EPHA6: variants seen among roughly 807,000 people sequenced by gnomAD.
EPHA6 encodes ephrin type-A receptor 6.
In EPHA6, 50 loss-of-function variants were observed where a neutral mutation model predicts 112.0. The ratio of observed to expected loss-of-function variants is 0.45; its 90% CI spans 0.36 to 0.56. EPHA6 has a LOEUF of 0.56. Ranked by LOEUF, EPHA6 falls within the 20% of genes least tolerant of loss-of-function variation. EPHA6 has a pLI of 0.00. For synonymous variants in EPHA6, 529 were observed against 490.7 expected (o/e 1.08, Z -1.03); for missense variants, 1,280 against 1,417.4 (o/e 0.90, Z 1.56).
At chr3:96,923,892 T>G (rs552575366) in intron 2 of EPHA6, among the ~76,000 whole-genome samples, 1 of 152,312 alleles carries the variant, frequency 6.6e-6, no homozygotes, top group East Asian at 1.9e-4. Flanking sequence ...AAGGAATCTT[T>G]CCCCATTGCT....
intron 4 of EPHA6, among the ~76,000 whole-genome samples, chr3:97,232,727 CAGGCA>C (rs752367160): frequency 3.9e-5 from 6 of 152,200 alleles, no homozygotes; most frequent in Non-Finnish European, 5.9e-5. Context: ...GAGGGCCAAG[CAGGCA>C]CCTTGACAGT....
intron 14 of EPHA6, among the ~76,000 whole-genome samples, chr3:97,684,907 G>C (rs368999547): frequency 6.6e-6 from 1 of 152,140 alleles, no homozygotes; most frequent in Non-Finnish European, 1.5e-5. Context: ...ATAATACAGC[G>C]TGTACAATTT....
At chr3:97,491,285 T>G (rs1228633160) in intron 10 of EPHA6, among the ~76,000 whole-genome samples, 2 of 152,138 alleles carry the variant, frequency 1.3e-5, no homozygotes, top group Non-Finnish European at 2.9e-5. Flanking sequence ...GGCTCTAAGG[T>G]GGTCCTAATT....
At chr3:97,248,395 G>A (rs565045076) in intron 5 of EPHA6, among the ~76,000 whole-genome samples, 3 of 152,118 alleles carry the variant, frequency 2.0e-5, no homozygotes, top group Admixed American at 6.6e-5. Flanking sequence ...ATAGGAAAAC[G>A]AAGGTGTGTA....
intron 7 of EPHA6, among the ~76,000 whole-genome samples, chr3:97,467,069 A>G (rs1186913115): frequency 6.6e-6 from 1 of 151,770 alleles, no homozygotes; most frequent in Non-Finnish European, 1.5e-5. Context: ...TCTAGCACCA[A>G]TGTTTCTGTA....
chr3:97,116,561 T>G (rs2047893645), intron 3 of EPHA6, among the ~76,000 whole-genome samples: 1 of 151,852 alleles, frequency 6.6e-6, no homozygotes, highest in Middle Eastern at 3.4e-3. Context: ...TTAAAAAATA[T>G]TACACATGTA....
At chr3:96,904,786 G>T (rs1266837207) in intron 2 of EPHA6, among the ~76,000 whole-genome samples, 2 of 152,038 alleles carry the variant, frequency 1.3e-5, no homozygotes, top group African/African-American at 4.8e-5. Context: ...TTTGACAATG[G>T]TAATATTTCT....
At chr3:97,163,684 G>T (rs2076470037) in intron 3 of EPHA6, among the ~76,000 whole-genome samples, 1 of 152,252 alleles carries the variant, frequency 6.6e-6, no homozygotes, top group African/African-American at 2.4e-5. Flanking sequence ...CACAGGCAGT[G>T]TAAGGCTAAT....
chr3:97,180,089 T>C (rs1187508602), intron 3 of EPHA6, among the ~76,000 whole-genome samples: 3 of 152,086 alleles, frequency 2.0e-5, no homozygotes, highest in Non-Finnish European at 2.9e-5. Flanking sequence ...GCATCTAAGC[T>C]GGCACTTAAA....
intron 3 of EPHA6, among the ~76,000 whole-genome samples, chr3:97,103,928 C>T (rs960021119): frequency 2.0e-5 from 3 of 151,806 alleles, no homozygotes; most frequent in Admixed American, 1.3e-4. Flanking sequence ...TGTTTTAATT[C>T]CTGATTTGGC....
intron 2 of EPHA6, among the ~76,000 whole-genome samples, chr3:96,900,670 T>C (rs1229554232): frequency 6.6e-6 from 1 of 152,226 alleles, no homozygotes; most frequent in Non-Finnish European, 1.5e-5. Context: ...AGAGTGTTAC[T>C]GAATAAGAAG....
intron 14 of EPHA6, among the ~76,000 whole-genome samples, chr3:97,659,623 A>G (rs903235577): frequency 6.6e-6 from 1 of 152,130 alleles, no homozygotes; most frequent in East Asian, 1.9e-4. Context: ...TAAGGAAGAG[A>G]AAAACAGTAA....
intron 3 of EPHA6, among the ~76,000 whole-genome samples, chr3:97,123,000 T>C (rs1199149743): frequency 1.3e-5 from 2 of 152,046 alleles, no homozygotes; most frequent in Admixed American, 1.3e-4. Context: ...TGCTGATTTC[T>C]TCTCAGAATA....
At chr3:96,921,480 A>G (rs1316482908) in intron 2 of EPHA6, among the ~76,000 whole-genome samples, 2 of 152,106 alleles carry the variant, frequency 1.3e-5, no homozygotes, top group African/African-American at 2.4e-5. Context: ...GGAATGGGTA[A>G]TCTCTCAGTG....
At chr3:97,580,057 T>C (rs79760235) in intron 11 of EPHA6, among the ~76,000 whole-genome samples, 1,839 of 152,352 alleles carry the variant, frequency 0.012, 39 homozygotes, top group African/African-American at 0.041. Flanking sequence ...ACTTTAGACA[T>C]TTATTGGATC....
intron 3 of EPHA6, among the ~76,000 whole-genome samples, chr3:97,024,796 A>ATT (rs2044582195): frequency 6.6e-6 from 1 of 152,098 alleles, no homozygotes; most frequent in African/African-American, 2.4e-5. Flanking sequence ...TTTCCTTCCT[A>ATT]TTTTAGTGTT....
chr3:97,621,841 A>C (rs1478949540), intron 13 of EPHA6, among the ~76,000 whole-genome samples: 1 of 151,926 alleles, frequency 6.6e-6, no homozygotes, highest in Non-Finnish European at 1.5e-5. Context: ...AGTGTTCTCA[A>C]CAAGAGCACT....
At chr3:97,513,878 C>CAA (rs2107599228) in intron 10 of EPHA6, among the ~76,000 whole-genome samples, 1 of 152,164 alleles carries the variant, frequency 6.6e-6, no homozygotes, top group East Asian at 1.9e-4. Context: ...TTAAATTTCA[C>CAA]AATGCACTGA....
intron 14 of EPHA6, among the ~76,000 whole-genome samples, chr3:97,712,086 G>A (rs2033996132): frequency 6.6e-6 from 1 of 152,098 alleles, no homozygotes; most frequent in Non-Finnish European, 1.5e-5. Context: ...ATTAACAATT[G>A]CCAATGGCCT....
Sources: allele counts gnomAD v4.1 joint callset (sites outside exome capture counted in the v4.1 genomes callset), GRCh38; gene constraint gnomAD v4.1.1; transcripts MANE v1.5; gene names NCBI Gene and HGNC (gene_info 2026-07-23, HGNC 2026-07-21).